Variants in SYN3 observed in about 807,000 individuals in gnomAD.
The protein encoded by SYN3 is synapsin-3.
SYN3 carries 35 observed loss-of-function variants against 65.8 expected under a neutral mutation model. The observed-to-expected ratio is 0.53, with a 90% CI of 0.41 to 0.70. The LOEUF is 0.70. Ranked by LOEUF, SYN3 falls within the 30% of genes least tolerant of loss-of-function variation. SYN3 has a pLI of 0.00. For synonymous variants in SYN3, 270 were observed against 292.9 expected (o/e 0.92, Z 0.80); for missense variants, 680 against 749.0 (o/e 0.91, Z 1.08).
chr22:32,946,789 T>A (rs1042493769), intron 3 of SYN3, among the ~76,000 whole-genome samples: 2 of 152,154 alleles, frequency 1.3e-5, no homozygotes, highest in African/African-American at 4.8e-5. Flanking sequence ...ATTCTGATTG[T>A]TTTAGGGGGG....
chr22:33,054,062 TA>T (rs2054215731), intron 1 of SYN3, among the ~76,000 whole-genome samples: 2 of 152,158 alleles, frequency 1.3e-5, no homozygotes, highest in Non-Finnish European at 2.9e-5. Flanking sequence ...TGTCCTTATC[TA>T]AAAATGAGGA....
At chr22:32,718,687 T>A (rs370508214) in intron 6 of SYN3, among the ~76,000 whole-genome samples, 147 of 149,148 alleles carry the variant, frequency 9.9e-4, no homozygotes, top group African/African-American at 3.3e-3. Flanking sequence ...CAGAACTGAA[T>A]AATGAAATAA....
intron 6 of SYN3, among the ~76,000 whole-genome samples, chr22:32,757,588 T>C (rs1324567957): frequency 6.6e-6 from 1 of 152,158 alleles, no homozygotes; most frequent in Non-Finnish European, 1.5e-5. Context: ...TGAACCACCG[T>C]GCCCGGCCTG....
chr22:32,650,632 A>G (rs966515714), intron 6 of SYN3, among the ~76,000 whole-genome samples: 1 of 152,066 alleles, frequency 6.6e-6, no homozygotes, highest in African/African-American at 2.4e-5. Context: ...ACTCTTTCCC[A>G]TTACACAAAT....
Position 32,927,263 on chromosome 22 carries a change from CTTT to C in SYN3, c.461+4124_461+4126del, listed in dbSNP as rs5845052. The stretch of plus-strand genomic sequence containing the variant: ...TTAAAGCCTGCTATTAATATATTTA[CTTT>C]TTTTTTTTTTTTTTTGAGACAAGAT... On this transcript the variant is annotated intron_variant, in intron 4 of 13. Transcript: ENST00000358763. Among the ~76,000 whole-genome samples the C allele has an allele frequency of 6.9e-3, 866 of 125,536 alleles. 8 individuals are homozygous for C. The highest frequency in any genetic ancestry group is 0.023 in the African/African-American group (803 of 34,296). 82.4% of individuals were successfully genotyped at this position (125,536 alleles called of 152,430 possible).
At chr22:32,748,156 G>A (rs1939838999) in intron 6 of SYN3, among the ~76,000 whole-genome samples, 1 of 152,182 alleles carries the variant, frequency 6.6e-6, no homozygotes, top group Admixed American at 6.5e-5. Context: ...TTTCCCACTT[G>A]TAACAAGGGC....
intron 3 of SYN3, among the ~76,000 whole-genome samples, chr22:32,963,930 C>A (rs994827010): frequency 6.6e-6 from 1 of 152,142 alleles, no homozygotes; most frequent in African/African-American, 2.4e-5. Flanking sequence ...GCTGGCCCAG[C>A]AAGGGGAGGT....
At chr22:33,000,599 C>G (rs1250989752) in intron 2 of SYN3, among the ~76,000 whole-genome samples, 2 of 152,208 alleles carry the variant, frequency 1.3e-5, no homozygotes, top group Non-Finnish European at 2.9e-5. Context: ...AGAGAAACGT[C>G]TGTCTTCCTG....
intron 6 of SYN3, among the ~76,000 whole-genome samples, chr22:32,706,229 T>C (rs1409455492): frequency 6.6e-6 from 1 of 152,170 alleles, no homozygotes; most frequent in African/African-American, 2.4e-5. Flanking sequence ...TTTTGAGGTA[T>C]GTTCCTTCAA....
rs371435439 is a variant in SYN3 at position 32,541,589 on chromosome 22, G to T, written c.899C>A (p.Ser300Tyr). 14 of 1,613,954 alleles carry T rather than the reference G, an allele frequency of 8.7e-6. No homozygotes were observed. The African/African-American group carries it at 1.6e-4, about 18-fold the overall frequency. The stretch of plus-strand genomic sequence containing the variant: ...GACTCACATGTAAGCCTTGTAGTTG[G>T]ATCCAATTTTCTGGATGCGGATGTC... ...KYDIRIQKIGSNYKAYMRTSI... is the reference protein window; with the variant it reads ...KYDIRIQKIGYNYKAYMRTSI... The change falls in exon 8 of 14, where the codon TCC becomes TAC. Residue 300 changes from serine to tyrosine, a missense_variant. By Grantham distance (144) the Ser-to-Tyr change is moderately radical (BLOSUM62 -2). Transcript: ENST00000358763.
intron 6 of SYN3, among the ~76,000 whole-genome samples, chr22:32,842,339 G>T (rs2047934233): frequency 6.6e-6 from 1 of 152,236 alleles, no homozygotes; most frequent in South Asian, 2.1e-4. Flanking sequence ...GTCCAGGCAG[G>T]CCCCTCAGGC....
chr22:32,956,105 GC>G (rs1234276452), intron 3 of SYN3, among the ~76,000 whole-genome samples: 55 of 122,292 alleles, frequency 4.5e-4, no homozygotes, highest in African/African-American at 1.6e-3. Context: ...CCCTAATACC[GC>G]CCCCCCCAAA....
chr22:32,653,899 T>C (rs993699158), intron 6 of SYN3, among the ~76,000 whole-genome samples: 1 of 152,238 alleles, frequency 6.6e-6, no homozygotes, highest in Non-Finnish European at 1.5e-5. Flanking sequence ...TTCCAGCCTT[T>C]TGAAGTCTGA....
intron 6 of SYN3, among the ~76,000 whole-genome samples, chr22:32,612,292 G>A (rs1032127252): frequency 1.3e-5 from 2 of 152,242 alleles, no homozygotes; most frequent in Non-Finnish European, 1.5e-5. Flanking sequence ...AGACAAAAGT[G>A]TGGGTACCAT....
intron 6 of SYN3, among the ~76,000 whole-genome samples, chr22:32,626,116 G>T (rs1396279775): frequency 6.6e-6 from 1 of 152,174 alleles, no homozygotes; most frequent in African/African-American, 2.4e-5. Flanking sequence ...AGGAAAGGGT[G>T]TTCCCAGTAG....
At chr22:32,625,858 T>A (rs2059658915) in intron 6 of SYN3, among the ~76,000 whole-genome samples, 1 of 152,226 alleles carries the variant, frequency 6.6e-6, no homozygotes, top group Non-Finnish European at 1.5e-5. Flanking sequence ...CATTTTTGGA[T>A]GCTTAGTCTT....
chr22:32,708,014 T>A (rs2060903022), intron 6 of SYN3, among the ~76,000 whole-genome samples: 1 of 152,260 alleles, frequency 6.6e-6, no homozygotes, highest in Non-Finnish European at 1.5e-5. Flanking sequence ...AGCCCTTAGA[T>A]GATCTGCTCA....
At chr22:32,776,746 T>C (rs1027415304) in intron 6 of SYN3, among the ~76,000 whole-genome samples, 1 of 152,172 alleles carries the variant, frequency 6.6e-6, no homozygotes, top group Non-Finnish European at 1.5e-5. Flanking sequence ...ACAGAGGGCA[T>C]GAAAAGCATT....
At chr22:32,629,137 C>T (rs1270441570) in intron 6 of SYN3, among the ~76,000 whole-genome samples, 1 of 152,178 alleles carries the variant, frequency 6.6e-6, no homozygotes, top group African/African-American at 2.4e-5. Flanking sequence ...TGGTGAAATC[C>T]ATCCCACTCA....
Sources: gnomAD v4.1 joint callset for allele counts (sites outside exome capture counted in the v4.1 genomes callset) on GRCh38, gnomAD v4.1.1 for gene constraint, MANE v1.5 for transcripts, NCBI Gene and HGNC (gene_info 2026-07-23, HGNC 2026-07-21) for gene names.